Variants in ALK observed in about 807,000 individuals in gnomAD.
ALK encodes the protein ALK receptor tyrosine kinase.
In ALK, 74 loss-of-function variants were observed where a neutral mutation model predicts 163.1. The observed-to-expected ratio is 0.45, with a 90% confidence interval of 0.38 to 0.55. ALK has a LOEUF of 0.55. ALK is among the 20% of genes least tolerant of loss of function. The pLI, the probability that ALK is intolerant of heterozygous loss-of-function variation, is 0.00. For synonymous variants in ALK, 960 were observed against 843.2 expected (o/e 1.14, Z -2.40); for missense variants, 2,063 against 2,105.3 (o/e 0.98, Z 0.39).
intron 4 of ALK, among the ~76,000 whole-genome samples, chr2:29,384,636 T>C (rs1445255483): frequency 1.8e-5 from 2 of 113,978 alleles, no homozygotes; most frequent in Non-Finnish European, 3.6e-5. Flanking sequence ...CAGCATTGAT[T>C]CATAAATGTC....
intron 1 of ALK, among the ~76,000 whole-genome samples, chr2:29,763,689 C>T (rs2255498): frequency 0.83 from 125,890 of 152,034 alleles, 52,629 homozygotes; most frequent in Non-Finnish European, 0.9. Flanking sequence ...GGTGCTGTCC[C>T]GCTGCCCCTT....
chr2:29,775,615 T>G (rs1490059567), intron 1 of ALK, among the ~76,000 whole-genome samples: 1 of 152,098 alleles, frequency 6.6e-6, no homozygotes, highest in Non-Finnish European at 1.5e-5. Context: ...AGGGCAGTGC[T>G]TAGTTAATCA....
chr2:29,744,351 A>G (rs1321372379), intron 1 of ALK, among the ~76,000 whole-genome samples: 2 of 152,192 alleles, frequency 1.3e-5, no homozygotes, highest in Non-Finnish European at 2.9e-5. Flanking sequence ...GAAGTGTGCT[A>G]TTCTAGTTAT....
chr2:29,715,307 C>T (rs887586173), intron 2 of ALK, among the ~76,000 whole-genome samples: 12 of 152,230 alleles, frequency 7.9e-5, no homozygotes, highest in African/African-American at 2.9e-4. Flanking sequence ...AGAACTTGGG[C>T]AGTAACTGCC....
intron 1 of ALK, among the ~76,000 whole-genome samples, chr2:29,779,005 A>C (rs1681258609): frequency 6.6e-6 from 1 of 151,338 alleles, no homozygotes; most frequent in Non-Finnish European, 1.5e-5. Context: ...AAATACAAAA[A>C]ATTAGCCGGG....
At chr2:29,907,504 G>T (rs532024165) in intron 1 of ALK, among the ~76,000 whole-genome samples, 2 of 152,118 alleles carry the variant, frequency 1.3e-5, no homozygotes, top group East Asian at 1.9e-4. Context: ...CAACACAATG[G>T]TCTCTCCACT....
chr2:29,221,578 C>T (rs999377869), intron 22 of ALK, among the ~76,000 whole-genome samples: 1 of 152,206 alleles, frequency 6.6e-6, no homozygotes, highest in Admixed American at 6.5e-5. Context: ...AAGTTTTATT[C>T]ATAATCAGGA....
intron 1 of ALK, among the ~76,000 whole-genome samples, chr2:29,877,436 G>A (rs1273561814): frequency 6.6e-6 from 1 of 152,090 alleles, no homozygotes; most frequent in Non-Finnish European, 1.5e-5. Flanking sequence ...ACCCTTACCA[G>A]CATGTATTTT....
chr2:29,194,657 C>G (rs953130538), intron 28 of ALK, among the ~76,000 whole-genome samples: 1 of 121,602 alleles, frequency 8.2e-6, no homozygotes, highest in Non-Finnish European at 1.7e-5. Context: ...GCACCCCACC[C>G]CCCCACCCCC....
chr2:29,726,381 TTTACCAAGCACTAA>T (rs1208210835), intron 1 of ALK, among the ~76,000 whole-genome samples: 13 of 152,102 alleles, frequency 8.5e-5, no homozygotes, highest in African/African-American at 3.1e-4. Context: ...CTCAGAGAGC[TTTACCAAGCACTAA>T]ATAATTAATA....
intron 4 of ALK, among the ~76,000 whole-genome samples, chr2:29,420,170 A>G (rs1019040965): frequency 2.7e-5 from 4 of 150,542 alleles, no homozygotes; most frequent in Non-Finnish European, 4.4e-5. Flanking sequence ...AAAAAAAAAA[A>G]AAAAAAAAGG....
At chr2:29,393,638 C>T (rs998480739) in intron 4 of ALK, among the ~76,000 whole-genome samples, 1 of 152,160 alleles carries the variant, frequency 6.6e-6, no homozygotes, top group South Asian at 2.1e-4. Context: ...CTGAAGGCTC[C>T]CAAGTAACGT....
intron 11 of ALK, among the ~76,000 whole-genome samples, chr2:29,263,304 G>T (rs557545137): frequency 6.6e-6 from 1 of 152,306 alleles, no homozygotes; most frequent in Admixed American, 6.5e-5. Flanking sequence ...AGAGGCAAAC[G>T]TGTGGGAAGC....
chr2:29,260,980 TC>T (rs1409338397), intron 11 of ALK, among the ~76,000 whole-genome samples: 1 of 152,226 alleles, frequency 6.6e-6, no homozygotes, highest in Non-Finnish European at 1.5e-5. Flanking sequence ...ATTGATTTTA[TC>T]CCCAGAACTT....
intron 12 of ALK, among the ~76,000 whole-genome samples, chr2:29,250,273 C>T (rs1434711856): frequency 1.3e-5 from 2 of 152,202 alleles, no homozygotes; most frequent in Non-Finnish European, 2.9e-5. Context: ...GGGGAGGCTC[C>T]TGACTCTCTG....
intron 1 of ALK, among the ~76,000 whole-genome samples, chr2:29,872,145 A>G (rs1333617960): frequency 1.3e-5 from 2 of 152,226 alleles, no homozygotes; most frequent in African/African-American, 4.8e-5. Context: ...AGGAGACCCC[A>G]GAATATTTGA....
intron 1 of ALK, among the ~76,000 whole-genome samples, chr2:29,913,944 C>G (rs574075245): frequency 6.6e-6 from 1 of 152,160 alleles, no homozygotes; most frequent in African/African-American, 2.4e-5. Context: ...AGCCCAGTGC[C>G]TCTAGACCTG....
chr2:29,503,814 G>A (rs918601604), intron 4 of ALK, among the ~76,000 whole-genome samples: 2 of 151,900 alleles, frequency 1.3e-5, no homozygotes, highest in African/African-American at 2.4e-5. Flanking sequence ...AAAATTTATC[G>A]AGCTTCTACT....
chr2:29,216,859 TATGTGTGTG>T (rs1669627180), intron 23 of ALK, among the ~76,000 whole-genome samples: 1 of 150,024 alleles, frequency 6.7e-6, no homozygotes, highest in African/African-American at 2.5e-5. Context: ...GTGTGTGTTG[TATGTGTGTG>T]GTGTGTGCGT....
Sources: gnomAD v4.1 joint callset for allele counts (sites outside exome capture counted in the v4.1 genomes callset) on GRCh38, gnomAD v4.1.1 for gene constraint, MANE v1.5 for transcripts, NCBI Gene and HGNC (gene_info 2026-07-23, HGNC 2026-07-21) for gene names.